Variants in KIFC3 observed in about 807,000 individuals in gnomAD.
KIFC3 encodes the protein kinesin family member C3.
A neutral mutation model predicts 101.8 loss-of-function variants in KIFC3; 60 were observed. The ratio of observed to expected loss-of-function variants is 0.59; its 90% CI spans 0.48 to 0.73. The LOEUF (loss-of-function observed/expected upper bound fraction) is 0.73, where lower values mean the gene tolerates loss of function less well. Ranked by LOEUF, KIFC3 falls within the 30% of genes least tolerant of loss-of-function variation. KIFC3 has a pLI of 0.00. For synonymous variants in KIFC3, 476 were observed against 482.7 expected (o/e 0.99, Z 0.18); for missense variants, 966 against 1,137.1 (o/e 0.85, Z 2.16).
Position 57,758,845 on chromosome 16 carries a change from A to G in KIFC3, c.*89T>C. ...CCTGGCGCTGCAGCAGGGACAGGCC[A>G]GTGAGGGCCCAGCTTCAGGCCCAGC... On this transcript the variant is annotated 3_prime_UTR_variant, in exon 20 of 20. Transcript: ENST00000445690. 1 of 1,609,308 alleles carries G rather than the reference A, an allele frequency of 6.2e-7. No homozygotes were observed. The highest frequency in any genetic ancestry group is 8.5e-7 in the Non-Finnish European group (1 of 1,177,926).
At chr16:57,834,029 CT>C (rs1369201422) in intron 1 of KIFC3, among the ~76,000 whole-genome samples, 2 of 151,558 alleles carry the variant, frequency 1.3e-5, no homozygotes, top group South Asian at 2.1e-4. Flanking sequence ...CGCCCGGCTA[CT>C]TTTTTGTATT....
intron 1 of KIFC3, among the ~76,000 whole-genome samples, chr16:57,847,744 C>T: frequency 1.3e-5 from 2 of 149,180 alleles, no homozygotes; most frequent in East Asian, 2.0e-4. Flanking sequence ...AGATTAAGTC[C>T]AGATGCCAGA....
rs532801691 is a variant in KIFC3, at chr16:57,826,930, G to A, written c.109-28648C>T. ...CTGGGGCTGCTCCACACGGTGCTGC[G>A]CTGGGACACTGGGGCCTGCTGCAGA... On this transcript the variant is annotated intron_variant, in intron 1 of 2. Transcript: ENST00000563028. Among the ~76,000 whole-genome samples, 78 of 152,294 alleles carry A rather than the reference G, an allele frequency of 5.1e-4. No homozygotes were observed. The South Asian group carries it at 5.8e-3, about 11-fold the overall frequency.
chr16:57,834,571 G>T (rs1368750949), intron 1 of KIFC3, among the ~76,000 whole-genome samples: 10 of 152,146 alleles, frequency 6.6e-5, no homozygotes, highest in Non-Finnish European at 7.3e-5. Flanking sequence ...CAGTGCAGTG[G>T]TACCATTATG....
chr16:57,817,333 T>C (rs2055250953), intron 1 of KIFC3, among the ~76,000 whole-genome samples: 1 of 150,102 alleles, frequency 6.7e-6, no homozygotes, highest in South Asian at 2.1e-4. Flanking sequence ...CACTCCAGCC[T>C]GGGTGACAGA....
intron 3 of KIFC3, among the ~76,000 whole-genome samples, chr16:57,788,190 T>C (rs1473129804): frequency 6.6e-6 from 1 of 152,108 alleles, no homozygotes. Flanking sequence ...GGCCCACGGA[T>C]AGGAGGGAGA....
chr16:57,809,551 T>G (rs957212850), intron 1 of KIFC3, among the ~76,000 whole-genome samples: 2 of 152,174 alleles, frequency 1.3e-5, no homozygotes, highest in African/African-American at 4.8e-5. Context: ...TTTGAGTAGC[T>G]CCCATTTTTG....
chr16:57,784,540 G>A (rs1191986033), intron 3 of KIFC3, among the ~76,000 whole-genome samples: 1 of 152,258 alleles, frequency 6.6e-6, no homozygotes, highest in Non-Finnish European at 1.5e-5. Flanking sequence ...ACGTCGGCAT[G>A]TCCAGGCCAT....
intron 1 of KIFC3, among the ~76,000 whole-genome samples, chr16:57,838,748 A>G (rs1460624163): frequency 6.6e-6 from 1 of 152,132 alleles, no homozygotes; most frequent in Non-Finnish European, 1.5e-5. Flanking sequence ...CCATTTCTTC[A>G]CGGGTTTTGC....
At position 57,792,620 on chromosome 16, in the gene KIFC3, C is replaced by T. The variant is rs564311560; in HGVS notation, c.315+2379G>A. Among the ~76,000 whole-genome samples, 98 of 152,196 alleles carry T rather than the reference C, an allele frequency of 6.4e-4. 2 individuals carry two copies. In the South Asian group the frequency reaches 0.019, roughly 30 times the overall value. Reference sequence around the variant, plus strand: ...TGTAAAAGAAAGAGGTAGGGCCGGGCGTAATGGCTCACATCTGTAATCCCA... The same window carrying T: ...TGTAAAAGAAAGAGGTAGGGCCGGGTGTAATGGCTCACATCTGTAATCCCA... On this transcript the variant is annotated intron_variant, in intron 3 of 19. Coordinates refer to ENST00000445690, the MANE Select transcript of KIFC3 (RefSeq NM_001130100.2).
intron 1 of KIFC3, among the ~76,000 whole-genome samples, chr16:57,857,366 T>C (rs2056191940): frequency 6.6e-6 from 1 of 150,830 alleles, no homozygotes; most frequent in South Asian, 2.1e-4. Context: ...CTGACTTTCG[T>C]AAGTCTCCCA....
chr16:57,799,514 C>T (rs1555624802), intron 1 of KIFC3, among the ~76,000 whole-genome samples: 1 of 152,166 alleles, frequency 6.6e-6, no homozygotes, highest in East Asian at 1.9e-4. Context: ...TTTGCAGCCC[C>T]ACTGCACCCA....
At chr16:57,826,247 G>A (rs1407848170) in intron 1 of KIFC3, among the ~76,000 whole-genome samples, 1 of 152,206 alleles carries the variant, frequency 6.6e-6, no homozygotes. Context: ...ACTTCACCCT[G>A]TTGGAAAGCT....
At position 57,769,891 on chromosome 16, in the gene KIFC3, A is replaced by T; in HGVS notation, c.1004T>A (p.Leu335Gln). 1 of 1,613,826 alleles carries T rather than the reference A, an allele frequency of 6.2e-7. No individual in the cohort carries two copies. Among genetic ancestry groups the T allele is most frequent in the Non-Finnish European group, 8.5e-7 (1 of 1,179,996 alleles). The change falls in exon 8 of 20, where the codon CTG (leucine) becomes CAG (glutamine). Residue 335 changes from leucine (L) to glutamine (Q), a missense_variant. Coordinates refer to ENST00000445690, the MANE Select transcript of KIFC3 (RefSeq NM_001130100.2). This position sits in a 1 kb window ranked among gnomAD's most constrained non-coding sequence, Gnocchi z 4.3. ...AATGGCCCGGTTCTTGTCCTCTTCC[A>T]GGGACTGCATCTCCTCCAGCATCTG... Reference protein sequence around the residue: ...HGQMLEEMQSLEEDKNRAIEE... With the variant: ...HGQMLEEMQSQEEDKNRAIEE...
intron 1 of KIFC3, among the ~76,000 whole-genome samples, chr16:57,840,304 C>T (rs1484205760): frequency 6.6e-6 from 1 of 152,064 alleles, no homozygotes; most frequent in African/African-American, 2.4e-5. Flanking sequence ...AGCCACTGAA[C>T]TCCAGCCTGA....
chr16:57,810,301 GCAC>G (rs1555627643), intron 1 of KIFC3, among the ~76,000 whole-genome samples: 1 of 152,212 alleles, frequency 6.6e-6, no homozygotes, highest in African/African-American at 2.4e-5. Flanking sequence ...TGAACTCTTA[GCAC>G]CACTGCTGCT....
At chr16:57,854,071 A>C (rs1305671133) in intron 1 of KIFC3, among the ~76,000 whole-genome samples, 2 of 151,896 alleles carry the variant, frequency 1.3e-5, no homozygotes, top group African/African-American at 2.4e-5. Context: ...CCTCCTGAGG[A>C]GCTGAGACCA....
intron 1 of KIFC3, among the ~76,000 whole-genome samples, chr16:57,817,524 G>A (rs1247269020): frequency 1.3e-5 from 2 of 152,094 alleles, no homozygotes; most frequent in East Asian, 1.9e-4. Context: ...TGCTGGAGGC[G>A]GGCGATCTTC....
At chr16:57,762,366 G>A (rs1333239652) in intron 12 of KIFC3, 96 bp from the exon 13 acceptor site, 25 of 1,304,590 alleles carry the variant, frequency 1.9e-5, no homozygotes, top group Non-Finnish European at 2.5e-5. Context: ...CCCCTCACAA[G>A]CAAGCCTCCT....
Sources: allele counts gnomAD v4.1 joint callset (sites outside exome capture counted in the v4.1 genomes callset), GRCh38; gene constraint gnomAD v4.1.1; non-coding constraint Gnocchi (gnomAD v3.1); transcripts MANE v1.5; gene names NCBI Gene and HGNC (gene_info 2026-07-23, HGNC 2026-07-21).